Variants in NCAM2 observed in about 807,000 individuals in gnomAD.
The protein encoded by NCAM2 is N-CAM-2.
A neutral mutation model predicts 98.1 loss-of-function variants in NCAM2; 30 were observed. The ratio of observed to expected loss-of-function variants is 0.31; its 90% CI spans 0.23 to 0.41. The LOEUF is 0.41. Ranked by LOEUF, NCAM2 falls within the 10% of genes least tolerant of loss-of-function variation. The pLI, the probability that NCAM2 is intolerant of heterozygous loss-of-function variation, is 1.00. For missense variants in NCAM2, 867 were observed against 1,005.8 expected (o/e 0.86, Z 1.87); for synonymous variants, 368 against 342.4 (o/e 1.07, Z -0.83).
At chr21:21,060,926 A>G (rs1297718165) in intron 1 of NCAM2, among the ~76,000 whole-genome samples, 1 of 152,136 alleles carries the variant, frequency 6.6e-6, no homozygotes, top group African/African-American at 2.4e-5. Flanking sequence ...CATGCAACTA[A>G]AAATGCTAAG....
chr21:21,292,101 C>G lies in NCAM2; in HGVS notation c.482-3C>G. The G allele has an allele frequency of 6.2e-7, 1 of 1,605,938 alleles. No homozygotes were observed. Among genetic ancestry groups the G allele is most frequent in the East Asian group, 2.2e-5 (1 of 44,566 alleles). ...CATTTTCTCCCCTTTGCTTTCTTTCCAGATCGGTTCGCTATGTTAGCAAAC... is the reference window on the plus strand; with the variant it reads ...CATTTTCTCCCCTTTGCTTTCTTTCGAGATCGGTTCGCTATGTTAGCAAAC... On this transcript the variant is annotated splice_polypyrimidine_tract_variant and splice_region_variant and intron_variant, in intron 4 of 17. Transcript: ENST00000400546.
chr21:21,281,428 T>A (rs2072925868), intron 2 of NCAM2, among the ~76,000 whole-genome samples: 1 of 152,118 alleles, frequency 6.6e-6, no homozygotes, highest in South Asian at 2.1e-4. Flanking sequence ...AAATAGTTAT[T>A]TAGTCAGGAA....
intron 1 of NCAM2, among the ~76,000 whole-genome samples, chr21:21,202,431 T>TC (rs1555825445): frequency 3.4e-4 from 50 of 146,918 alleles, no homozygotes; most frequent in African/African-American, 1.2e-3. Flanking sequence ...TTTTTTTTTT[T>TC]CTGAGGCGGA....
At chr21:21,085,453 C>T (rs2065888807) in intron 1 of NCAM2, among the ~76,000 whole-genome samples, 1 of 152,050 alleles carries the variant, frequency 6.6e-6, no homozygotes, top group South Asian at 2.1e-4. Flanking sequence ...TCTTATATTT[C>T]AGTTCCAGCC....
chr21:21,250,881 C>T (rs1336504402), intron 1 of NCAM2, among the ~76,000 whole-genome samples: 3 of 152,092 alleles, frequency 2.0e-5, no homozygotes, highest in Non-Finnish European at 4.4e-5. Context: ...GTATTTTATT[C>T]ATGGAAAACA....
At chr21:21,220,804 C>G (rs1006635242) in intron 1 of NCAM2, among the ~76,000 whole-genome samples, 1 of 152,164 alleles carries the variant, frequency 6.6e-6, no homozygotes, top group African/African-American at 2.4e-5. Context: ...TTATAAGCTG[C>G]TGGTACACAA....
At chr21:21,385,393 C>CAT (rs2076247344) in intron 9 of NCAM2, among the ~76,000 whole-genome samples, 1 of 146,644 alleles carries the variant, frequency 6.8e-6, no homozygotes. Flanking sequence ...CACACACACA[C>CAT]ACACACGCAC....
chr21:21,510,133 C>T (rs1988269823), intron 16 of NCAM2, among the ~76,000 whole-genome samples: 1 of 152,160 alleles, frequency 6.6e-6, no homozygotes, highest in Non-Finnish European at 1.5e-5. Context: ...AATCATCACA[C>T]AACCCCTACA....
chr21:21,525,634 GAAAT>G (rs1314521235), intron 16 of NCAM2, among the ~76,000 whole-genome samples: 1 of 152,068 alleles, frequency 6.6e-6, no homozygotes, highest in Non-Finnish European at 1.5e-5. Context: ...TCAAAAGATA[GAAAT>G]AGAGAGAATA....
At chr21:21,241,879 A>G (rs1393229403) in intron 1 of NCAM2, among the ~76,000 whole-genome samples, 2 of 152,178 alleles carry the variant, frequency 1.3e-5, no homozygotes, top group East Asian at 1.9e-4. Context: ...AATTGATAGT[A>G]CAAGTAGGAA....
At position 21,082,225 on chromosome 21, in the gene NCAM2, T is replaced by TTAAAAAAAAA. The variant is rs1555882202; in HGVS notation, c.55+83607_55+83608insTAAAAAAAAA. 4.4e-3 allele frequency among the ~76,000 whole-genome samples: 368 copies of TTAAAAAAAAA among 82,896 alleles called. 10 individuals are homozygous for TTAAAAAAAAA. The highest frequency in any genetic ancestry group is 0.016 in the African/African-American group (356 of 22,582). The allele number at this position is 82,896 out of a possible 152,430, so 54.4% of individuals were successfully genotyped here. A position where few individuals can be genotyped will look rare whatever the true frequency, so the allele number is the denominator to read the frequency against. Reference sequence around the variant, plus strand: ...CCTGGGCGACAGAGTGAGAATCCTTTAAAAAAAAAAAAAAAAAAGAATTCT... The same window carrying TTAAAAAAAAA: ...CCTGGGCGACAGAGTGAGAATCCTTTTAAAAAAAAAAAAAAAAAAAAAAAAAAAGAATTCT... On this transcript the variant is annotated intron_variant, in intron 1 of 17. Coordinates refer to ENST00000400546, the MANE Select transcript of NCAM2 (RefSeq NM_004540.5).
chr21:21,320,000 C>A (rs2074332753), intron 5 of NCAM2, among the ~76,000 whole-genome samples: 1 of 152,056 alleles, frequency 6.6e-6, no homozygotes, highest in African/African-American at 2.4e-5. Flanking sequence ...CTTAATGAGC[C>A]AAATTTGATC....
chr21:21,097,310 C>G (rs2066144152), intron 1 of NCAM2, among the ~76,000 whole-genome samples: 1 of 151,544 alleles, frequency 6.6e-6, no homozygotes, highest in Non-Finnish European at 1.5e-5. Flanking sequence ...TACTTTATGC[C>G]AGTATAGTCA....
At chr21:21,273,060 G>A (rs1157182421) in intron 1 of NCAM2, among the ~76,000 whole-genome samples, 1 of 151,554 alleles carries the variant, frequency 6.6e-6, no homozygotes, top group Non-Finnish European at 1.5e-5. Context: ...GAGATGGTGG[G>A]CATATAGAAG....
intron 1 of NCAM2, among the ~76,000 whole-genome samples, chr21:21,062,420 A>G (rs953623870): frequency 6.6e-6 from 1 of 152,196 alleles, no homozygotes; most frequent in Non-Finnish European, 1.5e-5. Context: ...TTTGACTGGT[A>G]AATCATAACT....
chr21:21,453,239 G>T (rs1432963639), intron 12 of NCAM2, among the ~76,000 whole-genome samples: 1 of 150,364 alleles, frequency 6.7e-6, no homozygotes, highest in Non-Finnish European at 1.5e-5. Context: ...GTAAGTGGGG[G>T]TGGGAATGGG....
chr21:21,383,363 C>T (rs192734048), intron 9 of NCAM2, among the ~76,000 whole-genome samples: 1 of 152,170 alleles, frequency 6.6e-6, no homozygotes, highest in Non-Finnish European at 1.5e-5. Context: ...TTCTCTGACT[C>T]CTAGCTGAGA....
intron 8 of NCAM2, among the ~76,000 whole-genome samples, chr21:21,368,694 C>T (rs2075843585): frequency 6.6e-6 from 1 of 151,710 alleles, no homozygotes; most frequent in Non-Finnish European, 1.5e-5. Flanking sequence ...ATAACAAGGG[C>T]TTTACCATCA....
chr21:21,503,425 T>C (rs193233326), intron 15 of NCAM2, among the ~76,000 whole-genome samples: 2 of 151,948 alleles, frequency 1.3e-5, no homozygotes, highest in Admixed American at 1.3e-4. Context: ...GTGGGTAGTG[T>C]AGATAACATA....
Sources: gnomAD v4.1 joint callset for allele counts (sites outside exome capture counted in the v4.1 genomes callset) on GRCh38, gnomAD v4.1.1 for gene constraint, MANE v1.5 for transcripts, NCBI Gene and HGNC (gene_info 2026-07-23, HGNC 2026-07-21) for gene names.